PLCH1: variants seen among roughly 807,000 people sequenced by gnomAD.
PLCH1 encodes phospholipase C eta 1.
In PLCH1, 60 loss-of-function variants were observed where a neutral mutation model predicts 126.7. The ratio of observed to expected loss-of-function variants is 0.47; its 90% CI spans 0.38 to 0.59. The LOEUF (loss-of-function observed/expected upper bound fraction) is 0.59, where lower values mean the gene tolerates loss of function less well. PLCH1 is among the 20% of genes least tolerant of loss of function. The pLI, the probability that PLCH1 is intolerant of heterozygous loss-of-function variation, is 0.00. For synonymous variants in PLCH1, 719 were observed against 734.9 expected (o/e 0.98, Z 0.35); for missense variants, 1,723 against 2,040.0 (o/e 0.84, Z 2.99).
chr3:155,592,694 C>T (rs1732366121), intron 4 of PLCH1, among the ~76,000 whole-genome samples: 1 of 152,046 alleles, frequency 6.6e-6, no homozygotes, highest in Non-Finnish European at 1.5e-5. Context: ...CCTGGAACTG[C>T]CCCATCTCAG....
At chr3:155,666,212 C>A (rs1742704899) in intron 2 of PLCH1, among the ~76,000 whole-genome samples, 1 of 152,206 alleles carries the variant, frequency 6.6e-6, no homozygotes, top group Non-Finnish European at 1.5e-5. Flanking sequence ...AAATTGCCCT[C>A]CAGAGAGATG....
intron 2 of PLCH1, among the ~76,000 whole-genome samples, chr3:155,649,851 G>C (rs1003297269): frequency 6.6e-6 from 1 of 152,126 alleles, no homozygotes; most frequent in Non-Finnish European, 1.5e-5. Context: ...GGTGATGGGC[G>C]CCTGCAGTCC....
At chr3:155,472,400 G>T (rs988825359) in intron 21 of PLCH1, among the ~76,000 whole-genome samples, 11 of 152,172 alleles carry the variant, frequency 7.2e-5, no homozygotes, top group African/African-American at 2.4e-4. Context: ...TCTCTGAATA[G>T]ATCAATAACA....
Position 155,549,928 on chromosome 3 carries a change from G to A in PLCH1, c.1221C>T (p.His407=), listed in dbSNP as rs2108448039. 6.2e-7 allele frequency: 1 copy of A among 1,613,928 alleles called. No homozygotes were observed. The highest frequency in any genetic ancestry group is 8.5e-7 in the Non-Finnish European group (1 of 1,179,882). Residue 407 remains histidine (H), a synonymous_variant, in exon 10 of 23, where the codon CAC becomes CAT. Coordinates refer to ENST00000460012, the MANE Select transcript of PLCH1 (RefSeq NM_014996.4). The part of the protein sequence containing the change: ...EFPVILSIEN[H]CSIQQQRKIA... ...TCTTCCTTTGCTGCTGGATACTGCA[G>A]TGATTCTCGATAGACAATATAACAG...
At chr3:155,656,742 G>A (rs1211919042) in intron 2 of PLCH1, among the ~76,000 whole-genome samples, 1 of 152,012 alleles carries the variant, frequency 6.6e-6, no homozygotes, top group African/African-American at 2.4e-5. Flanking sequence ...CAGGAATAAG[G>A]CAAGGATGCC....
At chr3:155,523,102 G>C (rs193160565) in intron 11 of PLCH1, among the ~76,000 whole-genome samples, 2,395 of 152,190 alleles carry the variant, frequency 0.016, 67 homozygotes, top group African/African-American at 0.055. Context: ...AGCCTCCGGA[G>C]TAGCTAGGAC....
intron 4 of PLCH1, 50 bp from the exon 5 acceptor site, chr3:155,586,244 T>C (rs1158148708): frequency 1.3e-6 from 2 of 1,595,214 alleles, no homozygotes; most frequent in East Asian, 4.5e-5. Context: ...AATTAAAAAC[T>C]GCTCTCTCAC....
chr3:155,595,416 C>A (rs544834090), intron 3 of PLCH1, among the ~76,000 whole-genome samples: 1 of 152,196 alleles, frequency 6.6e-6, no homozygotes, highest in African/African-American at 2.4e-5. Flanking sequence ...TCCCAATTTT[C>A]TTCTGGTATC....
chr3:155,579,535 G>A (rs149368615), intron 6 of PLCH1, among the ~76,000 whole-genome samples: 13 of 152,172 alleles, frequency 8.5e-5, no homozygotes, highest in African/African-American at 3.1e-4. Context: ...CCACCACACA[G>A]TCTAGTAATT....
At chr3:155,519,754 A>G (rs1720823678) in intron 11 of PLCH1, among the ~76,000 whole-genome samples, 1 of 150,444 alleles carries the variant, frequency 6.6e-6, no homozygotes, top group Admixed American at 6.6e-5. Context: ...AAAAAAAAAA[A>G]GGCAAAAAAG....
At chr3:155,676,949 C>T (rs928452506) in intron 2 of PLCH1, among the ~76,000 whole-genome samples, 2 of 152,142 alleles carry the variant, frequency 1.3e-5, no homozygotes, top group Admixed American at 1.3e-4. Flanking sequence ...GTGCAATTTT[C>T]CCTAAAGTCT....
intron 10 of PLCH1, among the ~76,000 whole-genome samples, chr3:155,544,313 G>A (rs1724866881): frequency 6.6e-6 from 1 of 152,128 alleles, no homozygotes; most frequent in Admixed American, 6.5e-5. Flanking sequence ...ATGGTAAAGG[G>A]ACCAATTCAA....
chr3:155,485,503 T>C lies in PLCH1; in HGVS notation c.2827A>G (p.Arg943Gly). 5.6e-6 allele frequency: 9 copies of C among 1,614,136 alleles called. No homozygotes were observed. The highest frequency in any genetic ancestry group is 7.6e-6 in the Non-Finnish European group (9 of 1,179,966). Residue 943 changes from arginine to glycine, a missense_variant, in exon 22 of 23, where the codon AGA becomes GGA. Coordinates refer to ENST00000460012, the MANE Select transcript of PLCH1 (RefSeq NM_014996.4). The part of the protein sequence containing the change: ...EIKDSVSEAT[R>G]DQDGVLRRTT... ...CTCCTCAGCACGCCATCTTGATCTCTTGTGGCCTCGGACACAGAATCCTTT... is the reference window on the plus strand; with the variant it reads ...CTCCTCAGCACGCCATCTTGATCTCCTGTGGCCTCGGACACAGAATCCTTT...
chr3:155,534,566 G>A (rs1416485699), intron 10 of PLCH1, among the ~76,000 whole-genome samples: 1 of 152,164 alleles, frequency 6.6e-6, no homozygotes, highest in East Asian at 1.9e-4. Context: ...TTAAGACTTT[G>A]GGGGACTGTT....
chr3:155,682,979 A>G (rs895431973), intron 2 of PLCH1, among the ~76,000 whole-genome samples: 14 of 152,360 alleles, frequency 9.2e-5, no homozygotes, highest in Admixed American at 4.6e-4. Context: ...CTGGAGAGAT[A>G]TAACTCTATA....
intron 21 of PLCH1, among the ~76,000 whole-genome samples, chr3:155,458,555 A>C (rs1315032944): frequency 7.8e-6 from 1 of 127,440 alleles, no homozygotes; most frequent in Non-Finnish European, 1.6e-5. Flanking sequence ...AGAAAGAAAG[A>C]GAAAAAGAAA....
chr3:155,588,293 C>T (rs1334520879), intron 4 of PLCH1, among the ~76,000 whole-genome samples: 1 of 152,038 alleles, frequency 6.6e-6, no homozygotes, highest in Non-Finnish European at 1.5e-5. Context: ...TATATGACCC[C>T]TGGAAGTTAA....
At chr3:155,463,816 A>T (rs1712818944) in intron 21 of PLCH1, among the ~76,000 whole-genome samples, 1 of 152,248 alleles carries the variant, frequency 6.6e-6, no homozygotes, top group South Asian at 2.1e-4. Flanking sequence ...AAATTTAGTC[A>T]TCACCACACA....
At chr3:155,578,608 GT>G (rs778389182) in intron 6 of PLCH1, among the ~76,000 whole-genome samples, 8 of 152,264 alleles carry the variant, frequency 5.3e-5, no homozygotes, top group Admixed American at 2.6e-4. Flanking sequence ...AATTCTAAGA[GT>G]TTAGGAGCTC....
Sources: gnomAD v4.1 joint callset for allele counts (sites outside exome capture counted in the v4.1 genomes callset) on GRCh38, gnomAD v4.1.1 for gene constraint, MANE v1.5 for transcripts, NCBI Gene and HGNC (gene_info 2026-07-23, HGNC 2026-07-21) for gene names.